Variants in GRIP1 observed in about 807,000 individuals in gnomAD.
GRIP1 encodes glutamate receptor-interacting protein 1.
GRIP1 carries 45 observed loss-of-function variants against 129.9 expected under a neutral mutation model. The observed-to-expected ratio is 0.35, with a 90% confidence interval of 0.27 to 0.44. The LOEUF is 0.44. Ranked by LOEUF, GRIP1 falls within the 20% of genes least tolerant of loss-of-function variation. The pLI, the probability that GRIP1 is intolerant of heterozygous loss-of-function variation, is 1.00. For synonymous variants in GRIP1, 530 were observed against 520.8 expected, an observed-to-expected ratio of 1.02 and a Z score of -0.24; for missense variants, 1,196 against 1,396.8, an observed-to-expected ratio of 0.86 and a Z score of 2.29.
Position 66,708,667 on chromosome 12 carries a change from T to C in GRIP1, c.-419-78331A>G, listed in dbSNP as rs187966795. 7.2e-5 allele frequency among the ~76,000 whole-genome samples: 11 copies of C among 152,038 alleles called. No homozygotes were observed. In the East Asian group the frequency reaches 1.9e-3, roughly 27 times the overall value. On this transcript the variant is annotated intron_variant, in intron 1 of 4. Coordinates refer to the GRIP1 transcript ENST00000538373. Reference sequence around the variant, plus strand: ...TATATGTATATACTTAAAAATTATATGCATATACTTTTTTTATTATACTTT... The same window carrying C: ...TATATGTATATACTTAAAAATTATACGCATATACTTTTTTTATTATACTTT...
intron 1 of GRIP1, among the ~76,000 whole-genome samples, chr12:66,781,409 AATTG>A (rs2038154966): frequency 6.6e-6 from 1 of 152,182 alleles, no homozygotes; most frequent in Non-Finnish European, 1.5e-5. Context: ...AAATGGTAGA[AATTG>A]ATTAAGTAGA....
chr12:66,488,733 A>T (rs2060024941), intron 7 of GRIP1, among the ~76,000 whole-genome samples: 1 of 152,092 alleles, frequency 6.6e-6, no homozygotes, highest in African/African-American at 2.4e-5. Flanking sequence ...CTAGATTAAT[A>T]AAGAAGAAAA....
At chr12:66,614,158 T>A (rs528332116) in intron 1 of GRIP1, among the ~76,000 whole-genome samples, 1 of 152,126 alleles carries the variant, frequency 6.6e-6, no homozygotes, top group Non-Finnish European at 1.5e-5. Flanking sequence ...CCCCTTCTTT[T>A]ATTTATGCCC....
intron 1 of GRIP1, among the ~76,000 whole-genome samples, chr12:66,623,932 T>C (rs1323634119): frequency 6.6e-6 from 1 of 152,198 alleles, no homozygotes; most frequent in African/African-American, 2.4e-5. Flanking sequence ...TTGGTTTCCT[T>C]CAATAAAACC....
At chr12:66,502,183 G>C (rs1032246944) in intron 7 of GRIP1, among the ~76,000 whole-genome samples, 24 of 152,148 alleles carry the variant, frequency 1.6e-4, no homozygotes, top group Admixed American at 1.3e-4. Flanking sequence ...AGATGATATA[G>C]TCTGGTCTCC....
At chr12:66,905,736 T>G (rs1052149421) in intron 1 of GRIP1, among the ~76,000 whole-genome samples, 2 of 152,222 alleles carry the variant, frequency 1.3e-5, no homozygotes, top group African/African-American at 2.4e-5. Flanking sequence ...ATAGTCATTT[T>G]AAAGTGACAG....
chr12:66,886,771 A>G (rs1237019467), intron 1 of GRIP1, among the ~76,000 whole-genome samples: 1 of 152,210 alleles, frequency 6.6e-6, no homozygotes, highest in Admixed American at 6.5e-5. Flanking sequence ...TCATACCACA[A>G]AAAGCACTCC....
At chr12:66,666,795 G>C (rs1161394773) in intron 1 of GRIP1, among the ~76,000 whole-genome samples, 1 of 151,478 alleles carries the variant, frequency 6.6e-6, no homozygotes, top group Non-Finnish European at 1.5e-5. Context: ...CTGAATCATT[G>C]CATACCTAAA....
chr12:66,493,547 C>G (rs2060160380), intron 7 of GRIP1, among the ~76,000 whole-genome samples: 1 of 152,092 alleles, frequency 6.6e-6, no homozygotes, highest in Non-Finnish European at 1.5e-5. Context: ...GGAACATATA[C>G]TACCACTAAC....
chr12:66,553,386 T>C (rs1473278392), intron 2 of GRIP1, among the ~76,000 whole-genome samples: 4 of 152,026 alleles, frequency 2.6e-5, no homozygotes, highest in South Asian at 2.1e-4. Context: ...TGAATATCTA[T>C]TGATAATTTC....
chr12:66,774,922 G>A (rs936886438), intron 1 of GRIP1, among the ~76,000 whole-genome samples: 7 of 152,148 alleles, frequency 4.6e-5, no homozygotes, highest in African/African-American at 1.4e-4. Flanking sequence ...ACAAAGAGGG[G>A]GAGGGGGAGA....
At chr12:66,547,075 G>A (rs1008708745) in intron 2 of GRIP1, among the ~76,000 whole-genome samples, 1 of 151,942 alleles carries the variant, frequency 6.6e-6, no homozygotes, top group Non-Finnish European at 1.5e-5. Flanking sequence ...CAGTAAAAAA[G>A]CAAACAATCT....
chr12:66,837,782 T>C (rs1372109067), intron 1 of GRIP1, among the ~76,000 whole-genome samples: 2 of 151,968 alleles, frequency 1.3e-5, no homozygotes, highest in Admixed American at 6.6e-5. Context: ...GCAAACACTG[T>C]AGTGGAAGGG....
At chr12:66,652,929 G>A (rs1336874848) in intron 1 of GRIP1, among the ~76,000 whole-genome samples, 1 of 152,220 alleles carries the variant, frequency 6.6e-6, no homozygotes, top group African/African-American at 2.4e-5. Flanking sequence ...TGTTTGATCT[G>A]TAAAGTAAGA....
At chr12:66,854,104 TATAA>T (rs1170376906) in intron 1 of GRIP1, among the ~76,000 whole-genome samples, 1 of 152,108 alleles carries the variant, frequency 6.6e-6, no homozygotes. Context: ...ACACTAGGAA[TATAA>T]ATAAGGTACA....
chr12:66,555,989 A>T (rs4913348), intron 2 of GRIP1, among the ~76,000 whole-genome samples: 22,308 of 152,092 alleles, frequency 0.15, 1,745 homozygotes, highest in Non-Finnish European at 0.16. Flanking sequence ...ACAGATAGGG[A>T]TGTAGAGACA....
intron 13 of GRIP1, among the ~76,000 whole-genome samples, chr12:66,439,103 A>T (rs1455792754): frequency 6.6e-6 from 1 of 152,198 alleles, no homozygotes; most frequent in African/African-American, 2.4e-5. Context: ...GACAGAAAGC[A>T]TCTACTGCAA....
intron 1 of GRIP1, among the ~76,000 whole-genome samples, chr12:67,020,838 A>C (rs1018962868): frequency 1.3e-5 from 2 of 152,216 alleles, no homozygotes; most frequent in Non-Finnish European, 2.9e-5. Flanking sequence ...AGTAGCTCGC[A>C]CCTATAATCC....
chr12:66,563,890 G>A (rs1469224141), intron 2 of GRIP1: 1 of 152,354 alleles, frequency 6.6e-6, no homozygotes, highest in Non-Finnish European at 1.5e-5. Context: ...CCCAAAGGGA[G>A]AATGTTTGTT....
Sources: allele counts gnomAD v4.1 joint callset (sites outside exome capture counted in the v4.1 genomes callset), GRCh38; gene constraint gnomAD v4.1.1; transcripts MANE v1.5; gene names NCBI Gene and HGNC (gene_info 2026-07-23, HGNC 2026-07-21).